Variants in SERPINA1 observed in about 807,000 individuals in gnomAD.
SERPINA1 encodes the protein alpha-1-antitrypsin.
A neutral mutation model predicts 25.4 loss-of-function variants in SERPINA1; 21 were observed. The observed-to-expected ratio is 0.83, with a 90% CI of 0.59 to 1.19. The LOEUF (loss-of-function observed/expected upper bound fraction) is 1.19. Among genes scored for constraint, SERPINA1 ranks in the 50% most tolerant of loss-of-function variants. The pLI is 0.00. For synonymous variants in SERPINA1, 218 were observed against 211.1 expected (o/e 1.03, Z -0.29); for missense variants, 546 against 509.0 (o/e 1.07, Z -0.70).
chr14:94,378,758 C>A, intron 4 of SERPINA1, 118 bp from the exon 5 acceptor site: 2 of 1,057,304 alleles, frequency 1.9e-6, no homozygotes, highest in Non-Finnish European at 2.9e-6. Context: ...CCCTGCACAT[C>A]CTCTCCCTCC....
At chr14:94,382,339 A>G (rs1896987254) in intron 2 of SERPINA1, among the ~76,000 whole-genome samples, 1 of 152,246 alleles carries the variant, frequency 6.6e-6, no homozygotes, top group Admixed American at 6.5e-5. Flanking sequence ...TATACAGTAT[A>G]CACAAGGACA....
chr14:94,383,367 G>T, intron 1 of SERPINA1, 126 bp from the exon 2 acceptor site: 1 of 951,710 alleles, frequency 1.1e-6, no homozygotes, highest in Non-Finnish European at 1.6e-6. Flanking sequence ...AGTACTTGCC[G>T]ACATCAGTAA....
At chr14:94,383,458 T>G (rs1897104703) in intron 1 of SERPINA1, 1 of 587,072 alleles carries the variant, frequency 1.7e-6, no homozygotes, top group Non-Finnish European at 3.0e-6. Context: ...TCACATGTGT[T>G]AATTCATTGC....
intron 1 of SERPINA1, among the ~76,000 whole-genome samples, chr14:94,385,012 G>T (rs1897200506): frequency 6.6e-6 from 1 of 152,204 alleles, no homozygotes; most frequent in Non-Finnish European, 1.5e-5. Flanking sequence ...GCTAAAATTA[G>T]TGCTGTATAT....
intron 2 of SERPINA1, 119 bp from the exon 3 acceptor site, chr14:94,381,260 A>T: frequency 1.0e-6 from 1 of 973,936 alleles, no homozygotes; most frequent in Non-Finnish European, 1.6e-6. Flanking sequence ...GACGACACAC[A>T]TCCCTCGAGG....
intron 2 of SERPINA1, 86 bp downstream of exon 2, chr14:94,382,506 T>C: frequency 1.3e-6 from 2 of 1,539,118 alleles, no homozygotes; most frequent in South Asian, 2.2e-5. Context: ...CATAATGCAT[T>C]GCCAAGGAGA....
Position 94,382,808 on chromosome 14 carries a change from G to A in SERPINA1, c.430C>T (p.Leu144Phe), listed in dbSNP as rs374198121. ...TCCACTAGCTTCAGGCCCTCGCTGA[G>A]GAACAGGCCATTGCCGGTGGTCAGC... ...LQLTTGNGLF[L>F]SEGLKLVDKF... The change falls in exon 2 of 5, where the codon CTC (leucine) becomes TTC (phenylalanine). Residue 144 changes from leucine to phenylalanine, a missense_variant. Physicochemically the swap from Leu to Phe is conservative, Grantham distance 22 (BLOSUM62 0). Transcript: ENST00000393087. 2 of 1,614,130 alleles carry A rather than the reference G, an allele frequency of 1.2e-6. No homozygotes were observed. The highest frequency in any genetic ancestry group is 2.7e-5 in the African/African-American group (2 of 74,948).
At chr14:94,388,342 G>A (rs772142718) in intron 1 of SERPINA1, among the ~76,000 whole-genome samples, 31 of 152,136 alleles carry the variant, frequency 2.0e-4, no homozygotes, top group African/African-American at 5.3e-4. Flanking sequence ...AGGAGGTACC[G>A]AGGGGGGACC....
At position 94,378,347 on chromosome 14, in the gene SERPINA1, G is replaced by A; in HGVS notation, c.*102C>T. On this transcript the variant is annotated 3_prime_UTR_variant, in exon 5 of 5. Coordinates refer to ENST00000393087, the MANE Select transcript of SERPINA1 (RefSeq NM_000295.5). ...GGAGACTCAGAGAAAACATGGGAGG[G>A]ATTTACAGTCACATGCAGGCAGGGA... 9.9e-7 allele frequency: 1 copy of A among 1,010,990 alleles called. No homozygotes were observed. Among genetic ancestry groups the A allele is most frequent in the Admixed American group, 1.8e-5 (1 of 55,142 alleles). 62.6% of individuals were successfully genotyped at this position (1,010,990 alleles called of 1,614,324 possible). A position where few individuals can be genotyped will look rare whatever the true frequency, so the allele number is the denominator to read the frequency against.
chr14:94,386,901 A>G (rs1168957991), intron 1 of SERPINA1, among the ~76,000 whole-genome samples: 1 of 152,200 alleles, frequency 6.6e-6, no homozygotes, highest in Non-Finnish European at 1.5e-5. Context: ...TCTGTCCTCA[A>G]AGCTTACCCT....
intron 3 of SERPINA1, 176 bp downstream of exon 3, chr14:94,380,695 G>A (rs997948168): frequency 6.4e-5 from 49 of 767,512 alleles, no homozygotes; most frequent in Middle Eastern, 7.3e-4. Flanking sequence ...CATGGATGGC[G>A]CTGCCTGAAC....
chr14:94,386,007 C>T (rs1346907103), intron 1 of SERPINA1, among the ~76,000 whole-genome samples: 1 of 152,184 alleles, frequency 6.6e-6, no homozygotes, highest in Non-Finnish European at 1.5e-5. Context: ...TGATGAATGT[C>T]AGAATTGGGC....
At chr14:94,388,234 T>C (rs1389652711) in intron 1 of SERPINA1, among the ~76,000 whole-genome samples, 1 of 152,156 alleles carries the variant, frequency 6.6e-6, no homozygotes, top group Non-Finnish European at 1.5e-5. Flanking sequence ...TTTGTTGCTG[T>C]TGCTGTATCT....
Position 94,383,139 on chromosome 14 carries a change from C to T in SERPINA1, c.99G>A (p.Gln33=), listed in dbSNP as rs1897072904. The change falls in exon 2 of 5, where the codon CAG becomes CAA. Residue 33 remains glutamine (Q), a synonymous_variant. Coordinates refer to ENST00000393087, the MANE Select transcript of SERPINA1 (RefSeq NM_000295.5). ...GATCATGGTGGGATGTATCTGTCTT[C>T]TGGGCAGCATCTCCCTGGGGATCCT... The part of the protein sequence containing the change: ...LAEDPQGDAA[Q]KTDTSHHDQD... The T allele has an allele frequency of 1.2e-6, 2 of 1,614,082 alleles. No homozygotes were observed. Among genetic ancestry groups the T allele is most frequent in the African/African-American group, 1.3e-5 (1 of 74,926 alleles).
upstream of SERPINA1, among the ~76,000 whole-genome samples, chr14:94,390,097 A>G (rs745906099): frequency 6.6e-6 from 1 of 152,036 alleles, no homozygotes; most frequent in African/African-American, 2.4e-5. Flanking sequence ...GCTTTCCTCC[A>G]GGCAGTCTCT....
At chr14:94,379,721 T>G (rs756607051) in intron 3 of SERPINA1, 110 bp from the exon 4 acceptor site, 17 of 1,451,470 alleles carry the variant, frequency 1.2e-5, no homozygotes, top group Non-Finnish European at 1.5e-5. Context: ...CACTTACTCC[T>G]GTGTCCTCCA....
In SERPINA1 at chr14:94,377,761, G is replaced by GT. The variant is rs1347720608; in HGVS notation, c.*687_*688insA. On this transcript the variant is annotated 3_prime_UTR_variant, in exon 5 of 5. Coordinates refer to ENST00000393087, the MANE Select transcript of SERPINA1 (RefSeq NM_000295.5). Reference sequence around the variant, plus strand: ...AGGCTTTCTGGGGCAGCGATGGAAGGACAAGGACAGAATAGGTGTCCTTGT... The same window carrying GT: ...AGGCTTTCTGGGGCAGCGATGGAAGGTACAAGGACAGAATAGGTGTCCTTGT... 6.6e-6 allele frequency: 1 copy of GT among 152,598 alleles called. No individual in the cohort carries two copies. Among genetic ancestry groups the GT allele is most frequent in the East Asian group, 1.9e-4 (1 of 5,202 alleles). The allele number at this position is 152,598 out of a possible 1,614,324, so 9.5% of individuals were successfully genotyped here. A position where few individuals can be genotyped will look rare whatever the true frequency, so the allele number is the denominator to read the frequency against.
chr14:94,382,724 C>T lies in SERPINA1; in HGVS notation c.514G>A (p.Gly172Arg), dbSNP rs112030253. The change falls in exon 2 of 5, where the codon GGG (glycine) becomes AGG (arginine). Residue 172 changes from glycine (G) to arginine (R), a missense_variant. Coordinates refer to ENST00000393087, the MANE Select transcript of SERPINA1 (RefSeq NM_000295.5). ...YHSEAFTVNF[G>R]DTEEAKKQIN... ...TGTTTCTTGGCCTCTTCGGTGTCCC[C>T]GAAGTTGACAGTGAAGGCTTCTGAG... 4.0e-4 allele frequency: 638 copies of T among 1,614,258 alleles called. 2 individuals are homozygous for T. The highest frequency in any genetic ancestry group is 2.7e-3 in the African/African-American group (205 of 75,068).
Position 94,382,674 on chromosome 14 carries a change from A to T in SERPINA1, c.564T>A (p.Gly188=), listed in dbSNP as rs769830846. 19 of 1,614,196 alleles carry T rather than the reference A, an allele frequency of 1.2e-5. No homozygotes were observed. Among genetic ancestry groups the T allele is most frequent in the Non-Finnish European group, 1.6e-5 (19 of 1,180,030 alleles). ...CCAAATCCACAATTTTCCCTTGAGT[A>T]CCCTTCTCCACGTAATCGTTGATCT... ...KKQINDYVEK[G]TQGKIVDLVK... The change falls in exon 2 of 5, where the codon GGT becomes GGA. Residue 188 remains glycine, a synonymous_variant. Transcript: ENST00000393087.
Sources: allele counts gnomAD v4.1 joint callset (sites outside exome capture counted in the v4.1 genomes callset), GRCh38; gene constraint gnomAD v4.1.1; transcripts MANE v1.5; gene names NCBI Gene and HGNC (gene_info 2026-07-23, HGNC 2026-07-21).